The following IGSF5 variants were observed in gnomAD, a reference collection of about 807,000 sequenced individuals.
The protein encoded by IGSF5 is immunoglobulin superfamily 5 like.
IGSF5 carries 41 observed loss-of-function variants against 39.4 expected under a neutral mutation model. The ratio of observed to expected loss-of-function variants is 1.04; its 90% confidence interval spans 0.81 to 1.35. The LOEUF (loss-of-function observed/expected upper bound fraction) is 1.35. Among genes scored for constraint, IGSF5 ranks in the 40% most tolerant of loss-of-function variants. The pLI is 0.00. For missense variants in IGSF5, 487 were observed against 494.6 expected, an observed-to-expected ratio of 0.98 and a Z score of 0.15; for synonymous variants, 183 against 175.3, an observed-to-expected ratio of 1.04 and a Z score of -0.34.
chr21:39,722,968 A>C, the IGSF5 span, among the ~76,000 whole-genome samples: 2 of 152,226 alleles, frequency 1.3e-5, no homozygotes, highest in Non-Finnish European at 1.5e-5. Context: ...AGTATTATTA[A>C]CCTTGTTTTT....
At chr21:39,787,130 A>G (rs931347358) in intron 5 of IGSF5, among the ~76,000 whole-genome samples, 1 of 152,202 alleles carries the variant, frequency 6.6e-6, no homozygotes, top group Non-Finnish European at 1.5e-5. Flanking sequence ...AATGGCAACA[A>G]AAGCCAAAAT....
the IGSF5 span, among the ~76,000 whole-genome samples, chr21:39,714,090 C>G: frequency 6.6e-6 from 1 of 152,218 alleles, no homozygotes; most frequent in African/African-American, 2.4e-5. Context: ...CGAGCTGCTC[C>G]TACTCCTCTC....
At chr21:39,776,002 C>T (rs1036082711) in intron 4 of IGSF5, among the ~76,000 whole-genome samples, 5 of 152,072 alleles carry the variant, frequency 3.3e-5, no homozygotes, top group African/African-American at 7.2e-5. Context: ...CTGTCCTGAG[C>T]GTCTTGTCTG....
chr21:39,791,114 A>G (rs180960772), intron 6 of IGSF5, among the ~76,000 whole-genome samples: 1 of 152,332 alleles, frequency 6.6e-6, no homozygotes, highest in East Asian at 1.9e-4. Flanking sequence ...GCCAGAAGGT[A>G]GCGTATCTTC....
intron 8 of IGSF5, among the ~76,000 whole-genome samples, chr21:39,795,418 A>G (rs2086990593): frequency 6.6e-6 from 1 of 152,042 alleles, no homozygotes; most frequent in Admixed American, 6.6e-5. Flanking sequence ...TTCCGTGGTT[A>G]TCTTTGTCTA....
chr21:39,793,947 G>A (rs537611743), intron 8 of IGSF5, among the ~76,000 whole-genome samples: 1 of 152,130 alleles, frequency 6.6e-6, no homozygotes, highest in South Asian at 2.1e-4. Flanking sequence ...TTCTCTTTGA[G>A]CCATATTCTC....
At chr21:39,773,460 C>T (rs2080124520) in intron 4 of IGSF5, among the ~76,000 whole-genome samples, 1 of 150,922 alleles carries the variant, frequency 6.6e-6, no homozygotes, top group South Asian at 2.1e-4. Context: ...AAAGACTTCC[C>T]TCCCCTTTCT....
chr21:39,774,652 T>C (rs1297067103), intron 4 of IGSF5, among the ~76,000 whole-genome samples: 1 of 152,238 alleles, frequency 6.6e-6, no homozygotes, highest in Non-Finnish European at 1.5e-5. Context: ...TCACCCTGTC[T>C]TGGGAGAAGC....
At chr21:39,786,934 A>C (rs150727941) in intron 5 of IGSF5, among the ~76,000 whole-genome samples, 13,175 of 151,958 alleles carry the variant, frequency 0.087, 617 homozygotes, top group South Asian at 0.16. Context: ...CAGAAAGGGG[A>C]ACATCATACT....
intron 5 of IGSF5, 22 bp from the exon 6 acceptor site, chr21:39,788,145 G>A: frequency 6.4e-7 from 1 of 1,572,824 alleles, no homozygotes; most frequent in Non-Finnish European, 8.7e-7. Flanking sequence ...TTTTTCCAAT[G>A]TAATTTTGTT....
At chr21:39,747,742 T>C (rs1329211442) in intron 2 of IGSF5, among the ~76,000 whole-genome samples, 1 of 152,222 alleles carries the variant, frequency 6.6e-6, no homozygotes, top group Non-Finnish European at 1.5e-5. Context: ...GTCATTAACA[T>C]AATTTGTGCT....
At chr21:39,745,154 T>A (rs902222407), upstream of IGSF5, among the ~76,000 whole-genome samples, 2 of 136,266 alleles carry the variant, frequency 1.5e-5, no homozygotes, top group Non-Finnish European at 3.3e-5. Flanking sequence ...TCTCTCTCTC[T>A]TCATCTCTCT....
intron 5 of IGSF5, among the ~76,000 whole-genome samples, chr21:39,782,875 C>T (rs2080178561): frequency 6.6e-6 from 1 of 152,134 alleles, no homozygotes; most frequent in African/African-American, 2.4e-5. Context: ...TCCCTAGCTT[C>T]CCCCGACTAC....
At chr21:39,796,498 C>G (rs937145845) in intron 8 of IGSF5, among the ~76,000 whole-genome samples, 2 of 152,200 alleles carry the variant, frequency 1.3e-5, no homozygotes, top group African/African-American at 4.8e-5. Context: ...TTATAGAGCC[C>G]AGGAGAGACA....
the IGSF5 span, among the ~76,000 whole-genome samples, chr21:39,712,451 T>C: frequency 0.12 from 17,624 of 151,980 alleles, 1,437 homozygotes; most frequent in East Asian, 0.23. Context: ...CCCACCAGGA[T>C]ATGAGTTAAT....
At chr21:39,733,876 C>A in the IGSF5 span, among the ~76,000 whole-genome samples, 1 of 152,148 alleles carries the variant, frequency 6.6e-6, no homozygotes. Context: ...TGTCTGCCTT[C>A]CGTGAGTGCC....
chr21:39,768,820 C>T (rs2080099366), intron 3 of IGSF5, among the ~76,000 whole-genome samples: 1 of 152,186 alleles, frequency 6.6e-6, no homozygotes, highest in Non-Finnish European at 1.5e-5. Flanking sequence ...AATTGGGAAG[C>T]TAACATTTCA....
intron 4 of IGSF5, among the ~76,000 whole-genome samples, chr21:39,772,098 T>A (rs1342438328): frequency 6.6e-6 from 1 of 152,194 alleles, no homozygotes; most frequent in East Asian, 1.9e-4. Flanking sequence ...GTAACGATAA[T>A]AAACAGCACC....
upstream of IGSF5, among the ~76,000 whole-genome samples, chr21:39,741,918 T>G (rs1196246213): frequency 2.0e-5 from 3 of 152,058 alleles, no homozygotes; most frequent in Non-Finnish European, 2.9e-5. Flanking sequence ...TCTTTTGGGT[T>G]TCTGTACTCC....
Sources: allele counts gnomAD v4.1 joint callset (sites outside exome capture counted in the v4.1 genomes callset), GRCh38; gene constraint gnomAD v4.1.1; transcripts MANE v1.5; gene names NCBI Gene and HGNC (gene_info 2026-07-23, HGNC 2026-07-21).